Variants in ITFG1 observed in about 807,000 individuals in gnomAD.
The protein encoded by ITFG1 is integrin alpha FG-GAP repeat containing 1, also known as T-cell immunomodulatory protein.
ITFG1 carries 34 observed loss-of-function variants against 81.8 expected under a neutral mutation model. The ratio of observed to expected loss-of-function variants is 0.42; its 90% CI spans 0.32 to 0.55. The LOEUF is 0.55. Among genes scored for constraint, ITFG1 ranks in the 20% least tolerant of loss-of-function variants. The probability of loss-of-function intolerance (pLI) is 0.17; values close to 1 mark genes in which losing one functional copy is unlikely to be tolerated. For missense variants in ITFG1, 672 were observed against 755.4 expected (o/e 0.89, Z 1.29); for synonymous variants, 285 against 270.6 (o/e 1.05, Z -0.52).
At chr16:47,230,514 C>G (rs1965804250) in intron 13 of ITFG1, among the ~76,000 whole-genome samples, 1 of 152,000 alleles carries the variant, frequency 6.6e-6, no homozygotes, top group Admixed American at 6.6e-5. Flanking sequence ...TATACATGTA[C>G]AGATAAGAGA....
At chr16:47,258,581 G>T in intron 12 of ITFG1, 51 bp downstream of exon 12, 1 of 838,628 alleles carries the variant, frequency 1.2e-6, no homozygotes. Flanking sequence ...GGAATATGTG[G>T]AGAGAGGGGA....
intron 2 of ITFG1, among the ~76,000 whole-genome samples, chr16:47,455,147 T>C (rs1443136060): frequency 6.6e-6 from 1 of 152,220 alleles, no homozygotes; most frequent in East Asian, 1.9e-4. Flanking sequence ...ATTTCTAGAA[T>C]GTTAGTCTGT....
At chr16:47,202,633 T>C (rs1965440798) in intron 14 of ITFG1, among the ~76,000 whole-genome samples, 1 of 150,958 alleles carries the variant, frequency 6.6e-6, no homozygotes, top group South Asian at 2.1e-4. Context: ...ATAACAGGTA[T>C]TGCTTCAAGC....
intron 16 of ITFG1, among the ~76,000 whole-genome samples, chr16:47,160,955 A>G (rs1033698572): frequency 6.6e-6 from 1 of 152,148 alleles, no homozygotes; most frequent in African/African-American, 2.4e-5. Context: ...AGGGAATGTA[A>G]CAAGCAGGGG....
At chr16:47,447,677 G>A (rs955463429) in intron 5 of ITFG1, among the ~76,000 whole-genome samples, 2 of 152,068 alleles carry the variant, frequency 1.3e-5, no homozygotes, top group African/African-American at 4.8e-5. Context: ...CACATCTGGT[G>A]GGACTATAGG....
intron 10 of ITFG1, among the ~76,000 whole-genome samples, chr16:47,282,046 T>C (rs1480604356): frequency 6.6e-6 from 1 of 151,844 alleles, no homozygotes; most frequent in Non-Finnish European, 1.5e-5. Flanking sequence ...ACATAGTTAA[T>C]AGTTATACAA....
intron 14 of ITFG1, among the ~76,000 whole-genome samples, chr16:47,185,969 A>C (rs1410348779): frequency 6.6e-6 from 1 of 152,242 alleles, no homozygotes; most frequent in Non-Finnish European, 1.5e-5. Flanking sequence ...CCATCAGAGA[A>C]TACTACAAAC....
intron 8 of ITFG1, among the ~76,000 whole-genome samples, chr16:47,328,123 A>C (rs1967582862): frequency 6.6e-6 from 1 of 152,202 alleles, no homozygotes. Context: ...CATATACACC[A>C]TGGAATACTA....
intron 8 of ITFG1, among the ~76,000 whole-genome samples, chr16:47,346,346 GA>G (rs1967854701): frequency 6.6e-6 from 1 of 152,154 alleles, no homozygotes; most frequent in South Asian, 2.1e-4. Flanking sequence ...AATGGTCAAT[GA>G]AGTAGTTAAA....
intron 13 of ITFG1, among the ~76,000 whole-genome samples, chr16:47,229,780 T>C (rs1441320775): frequency 6.6e-6 from 1 of 152,044 alleles, no homozygotes; most frequent in East Asian, 1.9e-4. Context: ...GGTCCTTCCT[T>C]GTAAGGGACT....
intron 10 of ITFG1, among the ~76,000 whole-genome samples, chr16:47,283,847 CA>C (rs889048040): frequency 6.6e-6 from 1 of 152,182 alleles, no homozygotes; most frequent in African/African-American, 2.4e-5. Flanking sequence ...TGTCAGTCAA[CA>C]TTTGAAGCTC....
chr16:47,226,825 C>G (rs1215272295), intron 13 of ITFG1, among the ~76,000 whole-genome samples: 1 of 151,598 alleles, frequency 6.6e-6, no homozygotes, highest in Non-Finnish European at 1.5e-5. Context: ...TTTGTAATAA[C>G]ATAAAGCAAT....
intron 10 of ITFG1, among the ~76,000 whole-genome samples, chr16:47,283,755 A>T (rs552492325): frequency 6.6e-6 from 1 of 152,206 alleles, no homozygotes; most frequent in South Asian, 2.1e-4. Context: ...AAAAGACATT[A>T]TATTTGTGGC....
chr16:47,260,396 G>T, intron 11 of ITFG1, 149 bp downstream of exon 11: 1 of 760,238 alleles, frequency 1.3e-6, no homozygotes, highest in Non-Finnish European at 2.2e-6. Flanking sequence ...TGTTTCATCT[G>T]TCATTTAACA....
chr16:47,455,941 T>A (rs1969447348), intron 2 of ITFG1, among the ~76,000 whole-genome samples: 1 of 151,906 alleles, frequency 6.6e-6, no homozygotes, highest in Admixed American at 6.5e-5. Flanking sequence ...TAGAAACTCC[T>A]AAAAGAGACA....
intron 8 of ITFG1, among the ~76,000 whole-genome samples, chr16:47,350,284 T>A (rs1206543307): frequency 6.6e-6 from 1 of 152,134 alleles, no homozygotes; most frequent in Non-Finnish European, 1.5e-5. Flanking sequence ...AGCTAGTTTT[T>A]TGAAAAGATC....
chr16:47,327,924 C>A (rs1394530048), intron 8 of ITFG1, among the ~76,000 whole-genome samples: 6 of 152,214 alleles, frequency 3.9e-5, no homozygotes, highest in Middle Eastern at 6.8e-3. Flanking sequence ...GCAATTCCTC[C>A]AGGATCTAGA....
At chr16:47,184,452 G>A (rs1965182186) in intron 14 of ITFG1, among the ~76,000 whole-genome samples, 1 of 152,202 alleles carries the variant, frequency 6.6e-6, no homozygotes, top group African/African-American at 2.4e-5. Flanking sequence ...CTACAAGCCA[G>A]AAGAGAGTGG....
At chr16:47,452,232 C>CGG (rs1317372691) in intron 4 of ITFG1, among the ~76,000 whole-genome samples, 1 of 152,094 alleles carries the variant, frequency 6.6e-6, no homozygotes, top group Non-Finnish European at 1.5e-5. Context: ...GGAATGATCT[C>CGG]GACCTCTACC....
Sources: gnomAD v4.1 joint callset for allele counts (sites outside exome capture counted in the v4.1 genomes callset) on GRCh38, gnomAD v4.1.1 for gene constraint, MANE v1.5 for transcripts, NCBI Gene and HGNC (gene_info 2026-07-23, HGNC 2026-07-21) for gene names.